Variants in RIN2 observed in about 807,000 individuals in gnomAD.
The protein encoded by RIN2 is RAB5 interacting protein 2.
RIN2 carries 36 observed loss-of-function variants against 78.0 expected under a neutral mutation model. That is an observed-to-expected ratio of 0.46 (90% CI 0.35 to 0.61). The LOEUF (loss-of-function observed/expected upper bound fraction) is 0.61, where lower values mean the gene tolerates loss of function less well. Among genes scored for constraint, RIN2 ranks in the 20% least tolerant of loss-of-function variants. The probability of loss-of-function intolerance (pLI) is 0.00; values close to 1 mark genes in which losing one functional copy is unlikely to be tolerated. For synonymous variants in RIN2, 466 were observed against 466.8 expected (o/e 1.00, Z 0.02); for missense variants, 1,087 against 1,159.7 (o/e 0.94, Z 0.91).
chr20:19,859,991 CTG>C (rs1473706263), intron 2 of RIN2, among the ~76,000 whole-genome samples: 1 of 152,224 alleles, frequency 6.6e-6, no homozygotes, highest in East Asian at 1.9e-4. Context: ...CTGTGGACAA[CTG>C]GAACTGAATC....
chr20:19,989,028 C>T (rs1253633272), intron 9 of RIN2, among the ~76,000 whole-genome samples: 1 of 152,078 alleles, frequency 6.6e-6, no homozygotes, highest in African/African-American at 2.4e-5. Flanking sequence ...ACATTATATC[C>T]CTTTACCCCT....
At position 19,990,213 on chromosome 20, in the gene RIN2, A is replaced by G; in HGVS notation, c.1970A>G (p.Lys657Arg). 6.2e-7 allele frequency: 1 copy of G among 1,612,298 alleles called. No homozygotes were observed. Among genetic ancestry groups the G allele is most frequent in the Non-Finnish European group, 8.5e-7 (1 of 1,179,306 alleles). The stretch of plus-strand genomic sequence containing the variant: ...GTGGATGTGGAGAAAATCAAAGTCA[A>G]GTTCATGACCATGCAGAAGATGTAT... Reference protein sequence around the residue: ...DFVDVEKIKVKFMTMQKMYSP... With the variant: ...DFVDVEKIKVRFMTMQKMYSP... Residue 657 changes from lysine to arginine, a missense_variant, in exon 10 of 13, where the codon AAG becomes AGG. Coordinates refer to ENST00000255006, the MANE Select transcript of RIN2 (RefSeq NM_018993.4).
chr20:19,846,172 G>C (rs1007525223), intron 2 of RIN2, among the ~76,000 whole-genome samples: 3 of 152,154 alleles, frequency 2.0e-5, no homozygotes, highest in Non-Finnish European at 4.4e-5. Context: ...GATGCCTCCA[G>C]CTTTGTTCTT....
chr20:19,844,687 TCTTCC>T (rs1400629119), intron 2 of RIN2, among the ~76,000 whole-genome samples: 1,453 of 17,008 alleles, frequency 0.085, 22 homozygotes, highest in East Asian at 0.16. Context: ...TTCTTCTTCC[TCTTCC>T]TCTTCCTCTT....
intron 4 of RIN2, among the ~76,000 whole-genome samples, chr20:19,953,476 G>C (rs1394621278): frequency 2.0e-5 from 3 of 151,574 alleles, no homozygotes; most frequent in African/African-American, 4.9e-5. Flanking sequence ...GTCTTGCTCT[G>C]TTGCCCAGCC....
chr20:19,798,904 A>ATT (rs34198043), intron 1 of RIN2, among the ~76,000 whole-genome samples: 2 of 147,494 alleles, frequency 1.4e-5, no homozygotes, highest in South Asian at 2.2e-4. Flanking sequence ...TAATATAGTA[A>ATT]TTTTTTTTTT....
chr20:19,965,904 G>A (rs372781585), intron 7 of RIN2, among the ~76,000 whole-genome samples: 3 of 152,114 alleles, frequency 2.0e-5, no homozygotes, highest in Non-Finnish European at 4.4e-5. Flanking sequence ...GAGCCACCAC[G>A]CCCCGCCCAG....
intron 2 of RIN2, among the ~76,000 whole-genome samples, chr20:19,873,434 C>T (rs540098651): frequency 6.6e-6 from 1 of 152,288 alleles, no homozygotes; most frequent in South Asian, 2.1e-4. Flanking sequence ...CCATGTAACA[C>T]ACTTTTTCTG....
intron 2 of RIN2, among the ~76,000 whole-genome samples, chr20:19,862,016 A>G (rs771488954): frequency 5.1e-4 from 68 of 133,592 alleles, no homozygotes; most frequent in Middle Eastern, 3.8e-3. Context: ...TCCATATCTG[A>G]TGATCACCCT....
At position 19,917,109 on chromosome 20, in the gene RIN2, T is replaced by TA. The variant is rs1289513533; in HGVS notation, c.58-17990_58-17989insA. The stretch of plus-strand genomic sequence containing the variant: ...GTAATTAAGCAGATATTTAAAAAAT[T>TA]TAAAAAAAAAAAAGGCAGGCGGAGT... On this transcript the variant is annotated intron_variant, in intron 3 of 12. Coordinates refer to ENST00000255006, the MANE Select transcript of RIN2 (RefSeq NM_018993.4). Among the ~76,000 whole-genome samples, 37 of 128,140 alleles carry TA rather than the reference T, an allele frequency of 2.9e-4. No individual in the cohort carries two copies. In the East Asian group the frequency reaches 4.1e-3, roughly 14 times the overall value. 84.1% of individuals were successfully genotyped at this position (128,140 alleles called of 152,430 possible).
intron 4 of RIN2, among the ~76,000 whole-genome samples, chr20:19,942,192 C>T (rs542888253): frequency 4.0e-5 from 6 of 151,382 alleles, no homozygotes; most frequent in African/African-American, 7.3e-5. Context: ...TGAAGATTTA[C>T]ACAACCTAAG....
chr20:19,818,754 GAA>G (rs1265221489), intron 2 of RIN2, among the ~76,000 whole-genome samples: 1 of 113,488 alleles, frequency 8.8e-6, no homozygotes, highest in Non-Finnish European at 1.9e-5. Flanking sequence ...GAAAGAAAGA[GAA>G]AAAAAAAAAG....
intron 4 of RIN2, among the ~76,000 whole-genome samples, chr20:19,944,233 T>C (rs2040995830): frequency 6.6e-6 from 1 of 152,156 alleles, no homozygotes; most frequent in Non-Finnish European, 1.5e-5. Flanking sequence ...CATTATTTTC[T>C]GTCTCTCTAC....
chr20:19,820,156 T>A (rs2035885601), intron 2 of RIN2, among the ~76,000 whole-genome samples: 1 of 152,242 alleles, frequency 6.6e-6, no homozygotes, highest in Non-Finnish European at 1.5e-5. Flanking sequence ...AACATTGGTT[T>A]TTACTGCTAA....
chr20:19,954,893 C>G (rs1246895270), intron 4 of RIN2, among the ~76,000 whole-genome samples: 2 of 152,148 alleles, frequency 1.3e-5, no homozygotes, highest in African/African-American at 4.8e-5. Flanking sequence ...GGGAATTAAA[C>G]ACTCACTGAC....
At chr20:19,828,446 T>C (rs955217678) in intron 2 of RIN2, among the ~76,000 whole-genome samples, 11 of 152,274 alleles carry the variant, frequency 7.2e-5, no homozygotes, top group Admixed American at 5.9e-4. Context: ...AGAGACACTA[T>C]GAGAATATGT....
At chr20:19,817,260 G>A (rs555698905) in intron 2 of RIN2, among the ~76,000 whole-genome samples, 45 of 152,262 alleles carry the variant, frequency 3.0e-4, no homozygotes, top group African/African-American at 5.5e-4. Flanking sequence ...TCACAGTTCC[G>A]GAGCCCGGAA....
intron 2 of RIN2, among the ~76,000 whole-genome samples, chr20:19,813,998 G>A (rs4813374): frequency 0.3 from 45,726 of 152,052 alleles, 7,147 homozygotes; most frequent in South Asian, 0.4. Context: ...AATCTCTTCC[G>A]GTCTTGGTAA....
chr20:19,833,609 G>A (rs765355513), intron 2 of RIN2, among the ~76,000 whole-genome samples: 8 of 152,314 alleles, frequency 5.3e-5, no homozygotes, highest in South Asian at 2.1e-4. Context: ...TGGTTTTATG[G>A]TCTTACATGC....
Sources: gnomAD v4.1 joint callset for allele counts (sites outside exome capture counted in the v4.1 genomes callset) on GRCh38, gnomAD v4.1.1 for gene constraint, MANE v1.5 for transcripts, NCBI Gene and HGNC (gene_info 2026-07-23, HGNC 2026-07-21) for gene names.